RBM19: variants seen among roughly 807,000 people sequenced by gnomAD.
RBM19 encodes the protein probable RNA-binding protein 19.
A neutral mutation model predicts 116.8 loss-of-function variants in RBM19; 94 were observed. The observed-to-expected ratio is 0.80, with a 90% CI of 0.68 to 0.95. RBM19 has a LOEUF of 0.95. RBM19 is among the 40% of genes least tolerant of loss of function. The pLI is 0.00. For missense variants in RBM19, 1,161 were observed against 1,220.7 expected (o/e 0.95, Z 0.73); for synonymous variants, 475 against 494.1 (o/e 0.96, Z 0.51).
In RBM19 at chr12:113,940,098, C is replaced by T. The variant is rs746401136; in HGVS notation, c.1800G>A (p.Ala600=). Residue 600 remains alanine (A), a synonymous_variant, in exon 15 of 24, where the codon GCG becomes GCA. Transcript: ENST00000261741. The part of the protein sequence containing the change: ...LVKNLPAGTL[A]AQLQETFGHF... ...GGCCGAAGGTCTCCTGCAGCTGGGCCGCCAGGGTGCCTGCCGGGAGGTTCT... is the reference window on the plus strand; with the variant it reads ...GGCCGAAGGTCTCCTGCAGCTGGGCTGCCAGGGTGCCTGCCGGGAGGTTCT... 4.4e-5 allele frequency: 71 copies of T among 1,613,970 alleles called. No individual in the cohort carries two copies. Among genetic ancestry groups the T allele is most frequent in the Middle Eastern group, 1.7e-4 (1 of 6,054 alleles).
downstream of RBM19, chr12:113,818,059 T>G (rs1401039911): frequency 6.6e-6 from 1 of 151,582 alleles, no homozygotes; most frequent in Non-Finnish European, 1.5e-5. Context: ...TGAAACCCAG[T>G]CTCTATGAAA....
At chr12:113,916,227 T>C (rs1166506508) in intron 20 of RBM19, among the ~76,000 whole-genome samples, 1 of 152,084 alleles carries the variant, frequency 6.6e-6, no homozygotes, top group East Asian at 1.9e-4. Flanking sequence ...GCCAACATAG[T>C]GAAACCCTGT....
intron 11 of RBM19, among the ~76,000 whole-genome samples, chr12:113,946,710 A>T (rs1871055084): frequency 6.6e-6 from 1 of 152,160 alleles, no homozygotes; most frequent in African/African-American, 2.4e-5. Context: ...CGATCAGTGT[A>T]TAACCCCGCA....
chr12:113,915,696 C>T (rs12579468), intron 20 of RBM19, among the ~76,000 whole-genome samples: 14,254 of 152,218 alleles, frequency 0.094, 784 homozygotes, highest in African/African-American at 0.13. Context: ...AGGATCTCTG[C>T]GATCTTGGGC....
At chr12:113,844,847 A>T in intron 22 of RBM19, 59 bp from the exon 23 acceptor site, 2 of 1,506,552 alleles carry the variant, frequency 1.3e-6, no homozygotes, top group Non-Finnish European at 1.8e-6. Context: ...CAGACACTCC[A>T]CTCTGCCTGC....
intron 14 of RBM19, among the ~76,000 whole-genome samples, chr12:113,942,091 C>T (rs1056887777): frequency 6.6e-6 from 1 of 152,126 alleles, no homozygotes; most frequent in South Asian, 2.1e-4. Context: ...TGTGGGGGAA[C>T]TGTGGGGTTG....
chr12:113,966,304 G>A lies in RBM19; in HGVS notation c.-77C>T, dbSNP rs1425676388. The A allele has an allele frequency of 4.4e-6, 7 of 1,590,012 alleles. No homozygotes were observed. The Admixed American group carries it at 6.7e-5, about 15-fold the overall frequency. ...ACCAAGTTTCACGCTACCGCCCTGG[G>A]CGCCGCCATCTTTACCGAGCCGGAA... On this transcript the variant is annotated 5_prime_UTR_variant, in exon 1 of 24. Transcript: ENST00000261741.
chr12:113,926,911 G>T, intron 17 of RBM19, 143 bp downstream of exon 17: 1 of 971,544 alleles, frequency 1.0e-6, no homozygotes, highest in Non-Finnish European at 1.5e-6. Flanking sequence ...AGGGGAAAGG[G>T]TCAAGTAGGT....
intron 22 of RBM19, 146 bp downstream of exon 22, chr12:113,858,645 G>A: frequency 1.4e-6 from 1 of 699,312 alleles, no homozygotes; most frequent in Non-Finnish European, 2.4e-6. Context: ...CAAGGATGTT[G>A]TACACATTAA....
At chr12:113,906,086 T>G (rs1279208447) in intron 21 of RBM19, among the ~76,000 whole-genome samples, 1 of 152,174 alleles carries the variant, frequency 6.6e-6, no homozygotes, top group Non-Finnish European at 1.5e-5. Context: ...AAAGCTGAGA[T>G]ATGCATACCC....
chr12:113,915,489 G>A (rs1281812642), intron 20 of RBM19, among the ~76,000 whole-genome samples: 3 of 152,156 alleles, frequency 2.0e-5, no homozygotes, highest in African/African-American at 4.8e-5. Context: ...AGGAACATGC[G>A]GGGGCCTAAC....
At chr12:113,888,380 G>T (rs1319090931) in intron 21 of RBM19, among the ~76,000 whole-genome samples, 1 of 152,068 alleles carries the variant, frequency 6.6e-6, no homozygotes, top group Admixed American at 6.6e-5. Flanking sequence ...CCCAAATCTC[G>T]ACTGGCTTTA....
In RBM19 at chr12:113,920,108, A is replaced by G. The variant is rs573425336; in HGVS notation, c.2385+503T>C. 1.2e-4 allele frequency among the ~76,000 whole-genome samples: 19 copies of G among 152,088 alleles called. No homozygotes were observed. In the South Asian group the frequency reaches 3.9e-3, roughly 32 times the overall value. On this transcript the variant is annotated intron_variant, in intron 19 of 23. Transcript: ENST00000261741. ...GGCCCCTGCCTCAGACCCTCTGCAC[A>G]TGGTCCCTCCTCCCCAACTACCTCC... is the stretch of plus-strand genomic sequence containing the variant.
rs753274889 is a variant in RBM19 at position 113,920,692 on chromosome 12, TGA to T, written c.2306-4_2306-3del. The T allele has an allele frequency of 1.5e-5, 24 of 1,612,808 alleles. No homozygotes were observed. The highest frequency in any genetic ancestry group is 1.2e-4 in the African/African-American group (9 of 74,828). On this transcript the variant is annotated splice_polypyrimidine_tract_variant and splice_region_variant and intron_variant, in intron 18 of 23. Transcript: ENST00000261741. Reference sequence around the variant, plus strand: ...CAAACCCCATGGAAAGGAGCACTCCTGAGAGAGAGAGGTGGAAATCACACCAG... The same window carrying T: ...CAAACCCCATGGAAAGGAGCACTCCTGAGAGAGAGGTGGAAATCACACCAG...
chr12:113,823,808 A>G (rs1327781639), intron 23 of RBM19, among the ~76,000 whole-genome samples: 3 of 152,184 alleles, frequency 2.0e-5, no homozygotes, highest in South Asian at 2.1e-4. Flanking sequence ...AGGCTGGACC[A>G]AGCAGTGGAC....
chr12:113,885,382 A>C (rs919954605), intron 21 of RBM19, among the ~76,000 whole-genome samples: 1 of 152,230 alleles, frequency 6.6e-6, no homozygotes, highest in African/African-American at 2.4e-5. Context: ...GTCGTGAAAA[A>C]GAAAGCAATA....
chr12:113,905,567 CAA>C (rs1231169533), intron 21 of RBM19, among the ~76,000 whole-genome samples: 1 of 151,614 alleles, frequency 6.6e-6, no homozygotes, highest in Non-Finnish European at 1.5e-5. Flanking sequence ...TTAGCAGACA[CAA>C]AAAGTTATAA....
At chr12:113,819,879 A>T (rs1874301903), downstream of RBM19, among the ~76,000 whole-genome samples, 1 of 152,224 alleles carries the variant, frequency 6.6e-6, no homozygotes, top group Admixed American at 6.5e-5. Flanking sequence ...ACTTTACTGC[A>T]TTCTAGAACA....
chr12:113,827,636 AG>A lies in RBM19; in HGVS notation c.2786-4316del, dbSNP rs1445522029. ...GAAGAGCGTGGCTGATAAGGGGAGAAGGGAGTTCTGAAAGGAACCCTGGGAT... is the reference window on the plus strand; with the variant it reads ...GAAGAGCGTGGCTGATAAGGGGAGAAGGAGTTCTGAAAGGAACCCTGGGAT... On this transcript the variant is annotated intron_variant, in intron 23 of 23. Transcript: ENST00000261741. Among the ~76,000 whole-genome samples the A allele has an allele frequency of 4.6e-5, 7 of 152,156 alleles. No individual in the cohort carries two copies. The East Asian group carries it at 1.2e-3, about 25-fold the overall frequency.
Sources: gnomAD v4.1 joint callset for allele counts (sites outside exome capture counted in the v4.1 genomes callset) on GRCh38, gnomAD v4.1.1 for gene constraint, MANE v1.5 for transcripts, NCBI Gene and HGNC (gene_info 2026-07-23, HGNC 2026-07-21) for gene names.